The following XPO4 variants were observed in gnomAD, a reference collection of about 807,000 sequenced individuals.
XPO4 encodes exportin-4.
A neutral mutation model predicts 143.0 loss-of-function variants in XPO4; 39 were observed. The observed-to-expected ratio is 0.27, with a 90% CI of 0.21 to 0.36. The LOEUF (loss-of-function observed/expected upper bound fraction) is 0.36. XPO4 is among the 10% of genes least tolerant of loss of function. The pLI is 1.00. For missense variants in XPO4, 907 were observed against 1,348.0 expected, an observed-to-expected ratio of 0.67 and a Z score of 5.12; for synonymous variants, 439 against 474.0, an observed-to-expected ratio of 0.93 and a Z score of 0.96.
intron 7 of XPO4, among the ~76,000 whole-genome samples, chr13:20,826,576 T>C (rs1047332046): frequency 6.6e-6 from 1 of 152,262 alleles, no homozygotes; most frequent in Non-Finnish European, 1.5e-5. Context: ...ATAATCTGAC[T>C]GTCTTCTATT....
chr13:20,804,291 G>A (rs755541225), intron 13 of XPO4, among the ~76,000 whole-genome samples: 16 of 151,666 alleles, frequency 1.1e-4, no homozygotes, highest in Non-Finnish European at 2.4e-4. Flanking sequence ...TATGGTGGAC[G>A]TGTTCCTCCT....
chr13:20,810,176 GT>G (rs2059561194), intron 9 of XPO4, among the ~76,000 whole-genome samples: 4 of 152,186 alleles, frequency 2.6e-5, no homozygotes, highest in South Asian at 4.2e-4. Flanking sequence ...AAAACCAGCT[GT>G]TTAGTGTTTT....
intron 2 of XPO4, among the ~76,000 whole-genome samples, chr13:20,864,220 C>CT (rs1287749732): frequency 6.7e-6 from 1 of 149,776 alleles, no homozygotes; most frequent in Non-Finnish European, 1.5e-5. Context: ...GTTTAAAACT[C>CT]TAGGAGTTAA....
In XPO4 at chr13:20,800,815, A is replaced by C. The variant is rs745711771; in HGVS notation, c.1977+16T>G. ...CATCATAAATCCAAATGAAGTTTTAAGTTTTACATTCTGACCTGATCATAC... is the reference window on the plus strand; with the variant it reads ...CATCATAAATCCAAATGAAGTTTTACGTTTTACATTCTGACCTGATCATAC... On this transcript the variant is annotated intron_variant, in intron 14 of 22. Transcript: ENST00000255305. 7 of 1,603,746 alleles carry C rather than the reference A, an allele frequency of 4.4e-6. No homozygotes were observed. In the South Asian group the frequency reaches 5.7e-5, roughly 13 times the overall value.
chr13:20,794,301 G>A (rs564511432), intron 18 of XPO4, among the ~76,000 whole-genome samples: 3 of 152,076 alleles, frequency 2.0e-5, no homozygotes, highest in Non-Finnish European at 4.4e-5. Context: ...GTAGGTCTGC[G>A]ATGGGGCCTG....
At chr13:20,828,450 T>C (rs968233936) in intron 6 of XPO4, among the ~76,000 whole-genome samples, 5 of 152,212 alleles carry the variant, frequency 3.3e-5, no homozygotes. Context: ...AGAAAAATTA[T>C]TATTCACAGG....
chr13:20,810,071 G>C, intron 9 of XPO4, 104 bp from the exon 10 acceptor site: 2 of 937,978 alleles, frequency 2.1e-6, no homozygotes, highest in Non-Finnish European at 2.9e-6. Flanking sequence ...TCCTTTAACA[G>C]AGCTTCCCAA....
intron 4 of XPO4, chr13:20,848,211 T>C (rs2060046634): frequency 1.0e-6 from 1 of 974,072 alleles, no homozygotes; most frequent in Non-Finnish European, 1.2e-6. Context: ...AGAAACCAAA[T>C]AAAATTTATT....
intron 4 of XPO4, chr13:20,850,169 A>G: frequency 1.0e-6 from 1 of 984,994 alleles, no homozygotes; most frequent in Non-Finnish European, 1.2e-6. Flanking sequence ...CTGCTTTTCC[A>G]TACTTAAAAT....
chr13:20,837,143 T>A (rs1445030885), intron 6 of XPO4, among the ~76,000 whole-genome samples: 1 of 152,216 alleles, frequency 6.6e-6, no homozygotes, highest in African/African-American at 2.4e-5. Context: ...GCTCTGAACA[T>A]TCATGTACAA....
rs201594296 is a variant in XPO4, at chr13:20,894,088, C to G, written c.69+8582G>C. The stretch of plus-strand genomic sequence containing the variant: ...AACTCCCAACCTCAGGTGATCTGCC[C>G]GCCTCAGCCTCCCAAAGTGCTGGGA... On this transcript the variant is annotated intron_variant, in intron 1 of 22. Transcript: ENST00000255305. Among the ~76,000 whole-genome samples, 4 of 152,170 alleles carry G rather than the reference C, an allele frequency of 2.6e-5. No individual in the cohort carries two copies. The South Asian group carries it at 8.3e-4, about 32-fold the overall frequency.
Position 20,803,864 on chromosome 13 carries a change from G to C in XPO4, c.1818-2874C>G, listed in dbSNP as rs528525818. Among the ~76,000 whole-genome samples the C allele has an allele frequency of 6.6e-6, 1 of 152,048 alleles. No individual in the cohort carries two copies. Among genetic ancestry groups the C allele is most frequent in the Non-Finnish European group, 1.5e-5 (1 of 68,020 alleles). Reference sequence around the variant, plus strand: ...TAGGAAAATGATGCTGGGACCTGACGGCTGCATTCCCAGAAAATCAGGCAT... The same window carrying C: ...TAGGAAAATGATGCTGGGACCTGACCGCTGCATTCCCAGAAAATCAGGCAT... On this transcript the variant is annotated intron_variant, in intron 13 of 22. Coordinates refer to ENST00000255305, the MANE Select transcript of XPO4 (RefSeq NM_022459.5). The surrounding 1 kb of genome is among the most constrained non-coding windows in gnomAD (Gnocchi z 4.1).
At chr13:20,859,049 G>A (rs1348134676) in intron 3 of XPO4, among the ~76,000 whole-genome samples, 1 of 151,612 alleles carries the variant, frequency 6.6e-6, no homozygotes, top group Non-Finnish European at 1.5e-5. Context: ...AGATTAATTT[G>A]GGCCAGGTAC....
chr13:20,787,143 G>A (rs1402822995), intron 21 of XPO4, 86 bp from the exon 22 acceptor site: 3 of 1,136,618 alleles, frequency 2.6e-6, no homozygotes, highest in East Asian at 5.2e-5. Context: ...GAAGAAGAGA[G>A]GGTTGGTTGT....
intron 4 of XPO4, among the ~76,000 whole-genome samples, chr13:20,844,315 C>A (rs181300852): frequency 6.6e-6 from 1 of 152,130 alleles, no homozygotes; most frequent in East Asian, 1.9e-4. Flanking sequence ...TGTTTGACCC[C>A]GTTCTGTTTG....
chr13:20,850,084 C>T (rs562143266), intron 4 of XPO4: 151 of 973,386 alleles, frequency 1.6e-4, no homozygotes, highest in South Asian at 1.1e-3. Context: ...CCAGCCTGGG[C>T]GACAGAGCAA....
rs201658422 is a variant in XPO4, at chr13:20,898,572, G to GA, written c.69+4097dup. On this transcript the variant is annotated intron_variant, in intron 1 of 22. Transcript: ENST00000255305. ...AGTAAGACTGTCTCAAAAGAAAAAGGAAAAAAAAAACCTATGAAAATTACT... is the reference window on the plus strand; with the variant it reads ...AGTAAGACTGTCTCAAAAGAAAAAGGAAAAAAAAAAACCTATGAAAATTACT... Among the ~76,000 whole-genome samples, 545 of 146,568 alleles carry GA rather than the reference G, an allele frequency of 3.7e-3. 1 individual carries two copies. The highest frequency in any genetic ancestry group is 0.011 in the African/African-American group (442 of 40,042).
chr13:20,892,401 T>C (rs1415610882), intron 1 of XPO4, among the ~76,000 whole-genome samples: 1 of 152,120 alleles, frequency 6.6e-6, no homozygotes, highest in Non-Finnish European at 1.5e-5. Context: ...TTTTATACTG[T>C]GTGAATTCAA....
intron 1 of XPO4, among the ~76,000 whole-genome samples, chr13:20,888,720 A>G (rs1320061561): frequency 1.3e-5 from 2 of 152,096 alleles, no homozygotes; most frequent in African/African-American, 4.8e-5. Flanking sequence ...TCATTTCCCA[A>G]TCATAATGAC....
Sources: allele counts gnomAD v4.1 joint callset (sites outside exome capture counted in the v4.1 genomes callset), GRCh38; gene constraint gnomAD v4.1.1; non-coding constraint Gnocchi (gnomAD v3.1); transcripts MANE v1.5; gene names NCBI Gene and HGNC (gene_info 2026-07-23, HGNC 2026-07-21).